DUSP8: variants seen among roughly 807,000 people sequenced by gnomAD.
DUSP8 encodes dual specificity protein phosphatase 8.
A neutral mutation model predicts 38.7 loss-of-function variants in DUSP8; 15 were observed. That is an observed-to-expected ratio of 0.39 (90% CI 0.26 to 0.60). DUSP8 has a LOEUF of 0.60. Among genes scored for constraint, DUSP8 ranks in the 20% least tolerant of loss-of-function variants. The pLI is 0.56. For synonymous variants in DUSP8, 458 were observed against 433.9 expected (o/e 1.06, Z -0.69); for missense variants, 768 against 915.0 (o/e 0.84, Z 2.07).
At position 1,559,071 on chromosome 11, in the gene DUSP8, C is replaced by T. The variant is rs201301580; in HGVS notation, c.371-16G>A. 2.2e-5 allele frequency: 35 copies of T among 1,606,160 alleles called. No homozygotes were observed. The East Asian group carries it at 5.4e-4, about 25-fold the overall frequency. On this transcript the variant is annotated splice_polypyrimidine_tract_variant and intron_variant, in intron 3 of 6. Transcript: ENST00000397374. ...GCGAAGCCCCCTGTAGGAGGAGGGC[C>T]GTCAAGTGGGTTGAGAGAACACCTA... is the stretch of plus-strand genomic sequence containing the variant.
Position 1,557,930 on chromosome 11 carries a change from G to T in DUSP8, c.698-13C>A, listed in dbSNP as rs1317587480. On this transcript the variant is annotated splice_polypyrimidine_tract_variant and intron_variant, in intron 5 of 6. Coordinates refer to ENST00000397374, the MANE Select transcript of DUSP8 (RefSeq NM_004420.3). The surrounding 1 kb of genome is among the most constrained non-coding windows in gnomAD (Gnocchi z 9.9). The stretch of plus-strand genomic sequence containing the variant: ...AGCTTGGCTTTATCTGGGCAGGTGG[G>T]CCATGGGGGCCAGGTGAGGGCTAAG... 1.2e-6 allele frequency: 2 copies of T among 1,613,620 alleles called. No homozygotes were observed. Among genetic ancestry groups the T allele is most frequent in the African/African-American group, 2.7e-5 (2 of 74,922 alleles).
Position 1,557,199 on chromosome 11 carries a change from C to G in DUSP8, c.1197G>C (p.Lys399Asn). 3.4e-6 allele frequency: 5 copies of G among 1,490,846 alleles called. No individual in the cohort carries two copies. The highest frequency in any genetic ancestry group is 4.5e-6 in the Non-Finnish European group (5 of 1,123,382). The allele number at this position is 1,490,846 out of a possible 1,614,324, so 92.4% of individuals were successfully genotyped here. A position where few individuals can be genotyped will look rare whatever the true frequency, so the allele number is the denominator to read the frequency against. ...RLKRSFSLDI[K>N]SAYAPSRRPD... is the part of the protein sequence containing the mutation. ...GCCGCCTGCTAGGGGCGTAGGCAGACTTGATGTCCAGGGAGAAGGAGCGCT... is the reference window on the plus strand; with the variant it reads ...GCCGCCTGCTAGGGGCGTAGGCAGAGTTGATGTCCAGGGAGAAGGAGCGCT... Residue 399 changes from lysine to asparagine, a missense_variant, in exon 7 of 7, where the codon AAG becomes AAC. Around this residue, in one of 3 missense-constraint regions of DUSP8, gnomAD observed 474 missense variants for 430.8 expected, o/e 1.10. Coordinates refer to ENST00000397374, the MANE Select transcript of DUSP8 (RefSeq NM_004420.3). The surrounding 1 kb of genome is among the most constrained non-coding windows in gnomAD (Gnocchi z 9.9).
At chr11:1,561,311 G>A (rs150619408) in intron 3 of DUSP8, among the ~76,000 whole-genome samples, 1,626 of 152,292 alleles carry the variant, frequency 0.011, 13 homozygotes, top group Non-Finnish European at 0.017. Context: ...GAAAAAAGGC[G>A]TGTGTACCAG....
chr11:1,558,094 C>T lies in DUSP8; in HGVS notation c.697+18G>A, dbSNP rs778987415. 48 of 1,611,722 alleles carry T rather than the reference C, an allele frequency of 3.0e-5. No homozygotes were observed. Among genetic ancestry groups the T allele is most frequent in the East Asian group, 1.1e-4 (5 of 44,882 alleles). ...TTCCTCTAGCCAGGTCCCTGCCCTC[C>T]GCCCACCGCAGACTCACCGATGAAC... On this transcript the variant is annotated intron_variant, in intron 5 of 6. Coordinates refer to ENST00000397374, the MANE Select transcript of DUSP8 (RefSeq NM_004420.3). The surrounding 1 kb of genome is among the most constrained non-coding windows in gnomAD (Gnocchi z 6.3).
In DUSP8 at chr11:1,556,185, C is replaced by CT. The variant is rs1329637569; in HGVS notation, c.*332_*333insA. The CT allele has an allele frequency of 4.1e-6, 1 of 245,918 alleles. No individual in the cohort carries two copies. Among genetic ancestry groups the CT allele is most frequent in the African/African-American group, 2.2e-5 (1 of 44,726 alleles). The allele number at this position is 245,918 out of a possible 1,614,324, so 15.2% of individuals were successfully genotyped here. A position where few individuals can be genotyped will look rare whatever the true frequency, so the allele number is the denominator to read the frequency against. ...GTTATGTAAAAAGTGCACGAAAGCT[C>CT]GGCAGCCTTTGCAAAGGTCAGCAGT... On this transcript the variant is annotated 3_prime_UTR_variant, in exon 7 of 7. Coordinates refer to ENST00000397374, the MANE Select transcript of DUSP8 (RefSeq NM_004420.3). The surrounding 1 kb of genome is among the most constrained non-coding windows in gnomAD (Gnocchi z 5.2).
At position 1,565,665 on chromosome 11, in the gene DUSP8, C is replaced by T. The variant is rs1374859230; in HGVS notation, c.162G>A (p.Leu54=). ...LSSVNICCSK[L]VKRRLQQGKV... ...TGCCCTGCTGCAGCCGCCGCTTCAC[C>T]AGCTTGGAGCAGCAGATGTTGACGG... The change falls in exon 2 of 7, where the codon CTG becomes CTA. Residue 54 remains leucine (L), a synonymous_variant. Coordinates refer to ENST00000397374, the MANE Select transcript of DUSP8 (RefSeq NM_004420.3). The T allele has an allele frequency of 6.2e-7, 1 of 1,611,720 alleles. No individual in the cohort carries two copies. Among genetic ancestry groups the T allele is most frequent in the East Asian group, 2.2e-5 (1 of 44,870 alleles).
At chr11:1,572,317 A>C (rs1848918626), upstream of DUSP8, among the ~76,000 whole-genome samples, 1 of 146,802 alleles carries the variant, frequency 6.8e-6, no homozygotes, top group Admixed American at 6.7e-5. The surrounding 1 kb of genome is among the most constrained non-coding windows in gnomAD (Gnocchi z 4.7). Flanking sequence ...GGATGAGGTC[A>C]TGCCGAGCGA....
intron 1 of DUSP8, among the ~76,000 whole-genome samples, chr11:1,569,846 C>T (rs960086424): frequency 1.3e-5 from 2 of 152,196 alleles, no homozygotes; most frequent in African/African-American, 4.8e-5. Flanking sequence ...GTCCGGCTCA[C>T]TGTTACCCAG....
chr11:1,571,168 A>C (rs571448506), intron 1 of DUSP8, among the ~76,000 whole-genome samples: 34 of 152,194 alleles, frequency 2.2e-4, no homozygotes, highest in African/African-American at 7.7e-4. Flanking sequence ...TCCAGGCCAG[A>C]CTATTAGGTA....
At chr11:1,559,157 T>C in intron 3 of DUSP8, 102 bp from the exon 4 acceptor site, 1 of 1,219,340 alleles carries the variant, frequency 8.2e-7, no homozygotes, top group Non-Finnish European at 1.1e-6. Flanking sequence ...CTGCTGAGGA[T>C]CAGTCACACC....
At chr11:1,560,159 T>G (rs1848695238) in intron 3 of DUSP8, among the ~76,000 whole-genome samples, 1 of 152,028 alleles carries the variant, frequency 6.6e-6, no homozygotes, top group Non-Finnish European at 1.5e-5. Context: ...TAAGCCCCCA[T>G]GGCAAGCCGG....
Position 1,555,246 on chromosome 11 carries a change from G to T in DUSP8, c.*1272C>A. ...TGGGGGCTGGCATGCCACCTAGAGA[G>T]AGAGCACCCTGGGAAAGGGGTGAAT... On this transcript the variant is annotated 3_prime_UTR_variant, in exon 7 of 7. Coordinates refer to ENST00000397374, the MANE Select transcript of DUSP8 (RefSeq NM_004420.3). 1.0e-6 allele frequency: 1 copy of T among 987,904 alleles called. No individual in the cohort carries two copies. 61.2% of individuals were successfully genotyped at this position (987,904 alleles called of 1,614,324 possible). A position where few individuals can be genotyped will look rare whatever the true frequency, so the allele number is the denominator to read the frequency against.
Position 1,556,235 on chromosome 11 carries a change from A to C in DUSP8, c.*283T>G. ...TGTTTCCTGGGGCGGGGGAACTGGG[A>C]GGGGCCCCAGGCCTGGCACCCAGCT... On this transcript the variant is annotated 3_prime_UTR_variant, in exon 7 of 7. Transcript: ENST00000397374. This position sits in a 1 kb window ranked among gnomAD's most constrained non-coding sequence, Gnocchi z 5.2. 1 of 324,068 alleles carries C rather than the reference A, an allele frequency of 3.1e-6. No individual in the cohort carries two copies. Among genetic ancestry groups the C allele is most frequent in the Non-Finnish European group, 5.5e-6 (1 of 182,862 alleles). The allele number at this position is 324,068 out of a possible 1,614,324, so 20.1% of individuals were successfully genotyped here.
rs770018624 is a variant in DUSP8 at position 1,559,052 on chromosome 11, C to T, written c.374G>A (p.Gly125Asp). ...CFDSVAILTGGFATFSSCFPG... is the reference protein window; with the variant it reads ...CFDSVAILTGDFATFSSCFPG... ...GAAGCAGGAGGAGAAGGTGGCGAAG[C>T]CCCCTGTAGGAGGAGGGCCGTCAAG... Residue 125 changes from glycine (G) to aspartate (D), a missense_variant, in exon 4 of 7, where the codon GGC becomes GAC. Around this residue, in one of 3 missense-constraint regions of DUSP8, gnomAD observed 252 missense variants for 410.4 expected, o/e 0.61. Transcript: ENST00000397374. 1.9e-6 allele frequency: 3 copies of T among 1,609,196 alleles called. No individual in the cohort carries two copies. Among genetic ancestry groups the T allele is most frequent in the Non-Finnish European group, 2.5e-6 (3 of 1,179,184 alleles).
At chr11:1,563,304 C>T (rs558228719) in intron 3 of DUSP8, among the ~76,000 whole-genome samples, 4 of 152,288 alleles carry the variant, frequency 2.6e-5, no homozygotes, top group East Asian at 1.9e-4. Flanking sequence ...TCTGGGACCA[C>T]GAGTGTGTGA....
chr11:1,564,215 G>T (rs1347467948), intron 2 of DUSP8, among the ~76,000 whole-genome samples: 1 of 152,258 alleles, frequency 6.6e-6, no homozygotes, highest in African/African-American at 2.4e-5. Context: ...CATGGGGGCA[G>T]GGAGGGGTGG....
At chr11:1,566,747 G>C (rs780693971) in intron 1 of DUSP8, among the ~76,000 whole-genome samples, 1 of 152,192 alleles carries the variant, frequency 6.6e-6, no homozygotes, top group African/African-American at 2.4e-5. Context: ...GCCCAGGATG[G>C]GAGGGGCGGG....
At chr11:1,568,892 C>A (rs1202243975) in intron 1 of DUSP8, among the ~76,000 whole-genome samples, 1 of 152,218 alleles carries the variant, frequency 6.6e-6, no homozygotes, top group Non-Finnish European at 1.5e-5. Context: ...CCTGGACCTA[C>A]AGCTCCCAGG....
At chr11:1,566,925 A>T (rs1848813654) in intron 1 of DUSP8, among the ~76,000 whole-genome samples, 1 of 152,086 alleles carries the variant, frequency 6.6e-6, no homozygotes, top group Non-Finnish European at 1.5e-5. Context: ...TCACTGCCCC[A>T]CTGCCGGGCC....
Sources: gnomAD v4.1 joint callset for allele counts (sites outside exome capture counted in the v4.1 genomes callset) on GRCh38, gnomAD v4.1.1 for gene constraint, gnomAD v4.1.1 regional missense constraint, Gnocchi (gnomAD v3.1) non-coding constraint, MANE v1.5 for transcripts, NCBI Gene and HGNC (gene_info 2026-07-23, HGNC 2026-07-21) for gene names.